The following ADAMTS9 variants were observed in gnomAD, a reference collection of about 807,000 sequenced individuals.
ADAMTS9 encodes A disintegrin and metalloproteinase with thrombospondin motifs 9.
ADAMTS9 carries 107 observed loss-of-function variants against 257.1 expected under a neutral mutation model. That is an observed-to-expected ratio of 0.42 (90% CI 0.36 to 0.49). ADAMTS9 has a LOEUF of 0.49. Ranked by LOEUF, ADAMTS9 falls within the 20% of genes least tolerant of loss-of-function variation. The pLI is 0.03. For missense variants in ADAMTS9, 2,353 were observed against 2,469.1 expected, an observed-to-expected ratio of 0.95 and a Z score of 1.00; for synonymous variants, 982 against 880.9, an observed-to-expected ratio of 1.11 and a Z score of -2.03.
At chr3:64,520,814 T>C in intron 39 of ADAMTS9, among the ~76,000 whole-genome samples, 1 of 152,168 alleles carries the variant, frequency 6.6e-6, no homozygotes, top group Non-Finnish European at 1.5e-5. Context: ...CATTAAAGAC[T>C]TAAATGTAAG....
At chr3:64,543,607 G>C (rs1354282130) in intron 32 of ADAMTS9, among the ~76,000 whole-genome samples, 2 of 152,162 alleles carry the variant, frequency 1.3e-5, no homozygotes, top group African/African-American at 4.8e-5. Context: ...AGGTATTGAT[G>C]GGACATATCT....
chr3:64,651,878 G>A (rs991288922), intron 8 of ADAMTS9, among the ~76,000 whole-genome samples: 12 of 152,158 alleles, frequency 7.9e-5, no homozygotes, highest in Non-Finnish European at 4.4e-5. Flanking sequence ...AATTAATCCA[G>A]GTTCCGCCTG....
In ADAMTS9 at chr3:64,655,675, G is replaced by C. The variant is rs1701051101; in HGVS notation, c.1070C>G (p.Ser357Cys). Residue 357 changes from serine to cysteine, a missense_variant, in exon 6 of 40, where the codon TCT becomes TGT. Coordinates refer to ENST00000498707, the MANE Select transcript of ADAMTS9 (RefSeq NM_182920.2). The part of the protein sequence containing the change: ...IHNEQDGPSI[S>C]FNAQTTLKNF... The stretch of plus-strand genomic sequence containing the variant: ...TTTTAATGTTGTCTGAGCATTAAAA[G>C]ATATGGAAGGCCCATCCTAAATACA... The C allele has an allele frequency of 1.2e-6, 2 of 1,613,920 alleles. No homozygotes were observed. The highest frequency in any genetic ancestry group is 1.7e-6 in the Non-Finnish European group (2 of 1,179,836).
At chr3:64,579,726 T>A (rs1005261078) in intron 28 of ADAMTS9, among the ~76,000 whole-genome samples, 6 of 152,178 alleles carry the variant, frequency 3.9e-5, no homozygotes, top group Non-Finnish European at 8.8e-5. Context: ...CTCACAAGAA[T>A]AAAGATTAAG....
intron 16 of ADAMTS9, among the ~76,000 whole-genome samples, chr3:64,628,252 G>T (rs1320175673): frequency 6.6e-6 from 1 of 152,136 alleles, no homozygotes; most frequent in African/African-American, 2.4e-5. Flanking sequence ...AATAATAAAA[G>T]GTTATCAGGA....
chr3:64,574,219 T>A (rs1313846330), intron 28 of ADAMTS9, among the ~76,000 whole-genome samples: 6 of 152,220 alleles, frequency 3.9e-5, no homozygotes, highest in Non-Finnish European at 5.9e-5. Context: ...GCAGAACTCC[T>A]GAAAATCATA....
intron 28 of ADAMTS9, among the ~76,000 whole-genome samples, chr3:64,571,925 T>G (rs2083695022): frequency 6.6e-6 from 1 of 152,190 alleles, no homozygotes. Context: ...GCACTGACTT[T>G]TACATCACCA....
rs551193959 is a variant in ADAMTS9, at chr3:64,602,141, C to A, written c.3820G>T (p.Asp1274Tyr). ...MCVNYSDHVI[D>Y]RSECDQDYIP... ...TAATCCTGGTCACACTCACTCCGAT[C>A]GATCACGTGGTCACTGTAGTTGACA... is the stretch of plus-strand genomic sequence containing the variant. Residue 1274 changes from aspartate to tyrosine, a missense_variant, in exon 26 of 40, where the codon GAT becomes TAT. By Grantham distance (160) the Asp-to-Tyr change is radical. Transcript: ENST00000498707. 6.2e-7 allele frequency: 1 copy of A among 1,614,110 alleles called. No individual in the cohort carries two copies. Among genetic ancestry groups the A allele is most frequent in the Non-Finnish European group, 8.5e-7 (1 of 1,179,998 alleles).
chr3:64,565,668 G>A (rs1386386316), intron 29 of ADAMTS9: 1 of 152,106 alleles, frequency 6.6e-6, no homozygotes, highest in African/African-American at 2.4e-5. Context: ...ACTGTGAAAC[G>A]CTTTTTGTAT....
intron 26 of ADAMTS9, among the ~76,000 whole-genome samples, chr3:64,599,763 C>T (rs1442564629): frequency 1.3e-5 from 2 of 152,246 alleles, no homozygotes; most frequent in Non-Finnish European, 2.9e-5. Context: ...AGCCCAAAGA[C>T]CAAATGTGTG....
At chr3:64,616,663 C>T (rs1436066992) in intron 19 of ADAMTS9, among the ~76,000 whole-genome samples, 1 of 152,120 alleles carries the variant, frequency 6.6e-6, no homozygotes, top group Non-Finnish European at 1.5e-5. Context: ...TCAGTGTGTG[C>T]TGGCCAATCG....
At chr3:64,648,675 G>A (rs946691900) in intron 10 of ADAMTS9, among the ~76,000 whole-genome samples, 2 of 152,098 alleles carry the variant, frequency 1.3e-5, no homozygotes, top group Non-Finnish European at 2.9e-5. Flanking sequence ...AGTCTTTTCT[G>A]TAGCTTTTTC....
intron 12 of ADAMTS9, among the ~76,000 whole-genome samples, chr3:64,637,601 A>G (rs1700530504): frequency 6.6e-6 from 1 of 152,224 alleles, no homozygotes; most frequent in Non-Finnish European, 1.5e-5. Flanking sequence ...TTGGTCTGCA[A>G]AAGGGTTTGA....
Position 64,527,704 on chromosome 3 carries a change from T to C in ADAMTS9, c.5719-5444A>G, listed in dbSNP as rs145271837. Among the ~76,000 whole-genome samples, 490 of 152,192 alleles carry C rather than the reference T, an allele frequency of 3.2e-3. 1 individual carries two copies. The highest frequency in any genetic ancestry group is 0.014 in the Middle Eastern group (4 of 294). ...CTGGACACTTATGTATATATGAACA[T>C]ATGCATAAATGTCTAATTTCTATAG... On this transcript the variant is annotated intron_variant, in intron 38 of 39. Coordinates refer to ENST00000498707, the MANE Select transcript of ADAMTS9 (RefSeq NM_182920.2).
chr3:64,643,728 C>A (rs9814590), intron 11 of ADAMTS9, among the ~76,000 whole-genome samples: 2 of 151,458 alleles, frequency 1.3e-5, no homozygotes, highest in Non-Finnish European at 2.9e-5. Flanking sequence ...GCCTCCCAAA[C>A]TGCTGGGATT....
intron 25 of ADAMTS9, 100 bp from the exon 26 acceptor site, chr3:64,602,313 A>G (rs1389777867): frequency 7.0e-7 from 1 of 1,426,788 alleles, no homozygotes; most frequent in Non-Finnish European, 9.6e-7. Context: ...ACTTTCCCAA[A>G]TTGCTCAGGC....
At chr3:64,585,300 C>A (rs117355594) in intron 28 of ADAMTS9, among the ~76,000 whole-genome samples, 1 of 152,048 alleles carries the variant, frequency 6.6e-6, no homozygotes, top group Non-Finnish European at 1.5e-5. Flanking sequence ...AGTTCCCAAG[C>A]GTAACTGTTT....
chr3:64,602,947 G>C (rs1169293099), intron 25 of ADAMTS9, among the ~76,000 whole-genome samples: 1 of 152,172 alleles, frequency 6.6e-6, no homozygotes, highest in Non-Finnish European at 1.5e-5. Flanking sequence ...CAAATATCTG[G>C]TGAGTAGGCA....
intron 28 of ADAMTS9, among the ~76,000 whole-genome samples, chr3:64,584,496 C>A (rs2084095162): frequency 6.6e-6 from 1 of 152,068 alleles, no homozygotes; most frequent in African/African-American, 2.4e-5. Flanking sequence ...CATTACAGTG[C>A]AAATCTCAGA....
Sources: allele counts gnomAD v4.1 joint callset (sites outside exome capture counted in the v4.1 genomes callset), GRCh38; gene constraint gnomAD v4.1.1; transcripts MANE v1.5; gene names NCBI Gene and HGNC (gene_info 2026-07-23, HGNC 2026-07-21).